Variants in CLSTN2 observed in about 807,000 individuals in gnomAD.
The protein encoded by CLSTN2 is calsyntenin 2.
In CLSTN2, 48 loss-of-function variants were observed where a neutral mutation model predicts 101.2. The ratio of observed to expected loss-of-function variants is 0.47; its 90% CI spans 0.38 to 0.60. The LOEUF (loss-of-function observed/expected upper bound fraction) is 0.60. Ranked by LOEUF, CLSTN2 falls within the 20% of genes least tolerant of loss-of-function variation. The pLI, the probability that CLSTN2 is intolerant of heterozygous loss-of-function variation, is 0.00. For synonymous variants in CLSTN2, 481 were observed against 463.6 expected, an observed-to-expected ratio of 1.04 and a Z score of -0.48; for missense variants, 1,160 against 1,238.2, an observed-to-expected ratio of 0.94 and a Z score of 0.95.
At chr3:140,274,146 C>T (rs892567059) in intron 2 of CLSTN2, among the ~76,000 whole-genome samples, 1 of 152,150 alleles carries the variant, frequency 6.6e-6, no homozygotes, top group African/African-American at 2.4e-5. Flanking sequence ...GGCTTGGTGC[C>T]TTTTGGCTCC....
intron 2 of CLSTN2, among the ~76,000 whole-genome samples, chr3:140,363,321 T>G (rs2087749164): frequency 6.6e-6 from 1 of 152,154 alleles, no homozygotes; most frequent in African/African-American, 2.4e-5. Flanking sequence ...GGTGGCTGCC[T>G]GGAACTAGGG....
In CLSTN2 at chr3:139,935,702, G is replaced by A. The variant is rs1935008505; in HGVS notation, c.109+219G>A. ...AACTCAACCCCTGGGCGGGGTCCGG[G>A]GGCTGAGCAGAAGGCGAGGTCTGGG... On this transcript the variant is annotated intron_variant, in intron 1 of 16. Transcript: ENST00000458420. This position sits in a 1 kb window ranked among gnomAD's most constrained non-coding sequence, Gnocchi z 5.5. Among the ~76,000 whole-genome samples, 1 of 151,780 alleles carries A rather than the reference G, an allele frequency of 6.6e-6. No individual in the cohort carries two copies. Among genetic ancestry groups the A allele is most frequent in the East Asian group, 2.0e-4 (1 of 5,090 alleles).
chr3:140,234,642 C>T (rs1354037465), intron 2 of CLSTN2, among the ~76,000 whole-genome samples: 1 of 152,132 alleles, frequency 6.6e-6, no homozygotes, highest in Admixed American at 6.5e-5. Context: ...CAGCCAGATT[C>T]CTAATGCTTG....
chr3:140,432,802 G>A (rs760712845), intron 5 of CLSTN2, among the ~76,000 whole-genome samples: 4 of 152,064 alleles, frequency 2.6e-5, no homozygotes, highest in African/African-American at 4.8e-5. Flanking sequence ...AGGGGAAGAG[G>A]GTGTGGGCAG....
At chr3:140,470,862 G>A (rs1416945282) in intron 8 of CLSTN2, among the ~76,000 whole-genome samples, 4 of 152,218 alleles carry the variant, frequency 2.6e-5, no homozygotes. Context: ...TGTTTGAACA[G>A]TGGCTCTTCA....
Position 140,042,618 on chromosome 3 carries a change from C to T in CLSTN2, c.109+107135C>T, listed in dbSNP as rs57732985. ...GTACGTGCGCCATGTTGGTGTGCTG[C>T]ACCCATTAACTCATCATTTACATTA... On this transcript the variant is annotated intron_variant, in intron 1 of 16. Coordinates refer to ENST00000458420, the MANE Select transcript of CLSTN2 (RefSeq NM_022131.3). Among the ~76,000 whole-genome samples, 654 of 152,256 alleles carry T rather than the reference C, an allele frequency of 4.3e-3. 3 individuals are homozygous for T. The highest frequency in any genetic ancestry group is 0.015 in the African/African-American group (632 of 41,534).
intron 8 of CLSTN2, among the ~76,000 whole-genome samples, chr3:140,470,025 CTG>C (rs1412612351): frequency 6.6e-6 from 1 of 152,090 alleles, no homozygotes; most frequent in Non-Finnish European, 1.5e-5. Context: ...GGATTTGTAA[CTG>C]TTACAGAACT....
intron 8 of CLSTN2, among the ~76,000 whole-genome samples, chr3:140,509,510 C>T (rs1344195564): frequency 2.0e-5 from 3 of 152,206 alleles, no homozygotes; most frequent in Non-Finnish European, 4.4e-5. Context: ...GCCTGATGGA[C>T]TGTTAAATGA....
chr3:140,410,262 A>G (rs2088348321), intron 4 of CLSTN2, among the ~76,000 whole-genome samples: 3 of 152,092 alleles, frequency 2.0e-5, no homozygotes, highest in African/African-American at 7.2e-5. Flanking sequence ...AACTGTCAGT[A>G]AATCAAAGAC....
At chr3:140,422,177 TTC>T (rs1406650462) in intron 5 of CLSTN2, among the ~76,000 whole-genome samples, 2 of 107,856 alleles carry the variant, frequency 1.9e-5, no homozygotes, top group Non-Finnish European at 3.6e-5. Flanking sequence ...TTCTCATATT[TTC>T]TCTCTTTCTT....
chr3:140,149,160 G>A (rs561165036), intron 1 of CLSTN2, among the ~76,000 whole-genome samples: 1 of 152,048 alleles, frequency 6.6e-6, no homozygotes, highest in African/African-American at 2.4e-5. Flanking sequence ...CTCCCCATCC[G>A]TGCCCTCTTG....
chr3:140,404,112 C>G (rs983881722), intron 3 of CLSTN2, among the ~76,000 whole-genome samples: 1 of 152,258 alleles, frequency 6.6e-6, no homozygotes, highest in Non-Finnish European at 1.5e-5. Flanking sequence ...TGGCCCACCC[C>G]CGCAGACCTG....
chr3:139,993,468 A>G (rs1308220747), intron 1 of CLSTN2, among the ~76,000 whole-genome samples: 1 of 152,112 alleles, frequency 6.6e-6, no homozygotes, highest in Non-Finnish European at 1.5e-5. Context: ...GGGGTGAACA[A>G]TGGCTAGTGT....
At chr3:140,379,710 T>C (rs909786533) in intron 2 of CLSTN2, among the ~76,000 whole-genome samples, 2 of 152,184 alleles carry the variant, frequency 1.3e-5, no homozygotes, top group Non-Finnish European at 2.9e-5. Context: ...AGGTTAAATA[T>C]GTTTGCCATA....
chr3:140,457,276 C>CTT (rs1223994619), intron 6 of CLSTN2, among the ~76,000 whole-genome samples: 6 of 152,356 alleles, frequency 3.9e-5, no homozygotes, highest in Non-Finnish European at 8.8e-5. Context: ...CAGCCTGCAT[C>CTT]TCTCTGGCCG....
intron 4 of CLSTN2, among the ~76,000 whole-genome samples, chr3:140,415,495 A>AAC (rs2088420524): frequency 6.6e-6 from 1 of 150,874 alleles, no homozygotes; most frequent in African/African-American, 2.4e-5. Context: ...GCAAAAAAAA[A>AAC]AAAAAAAAAA....
At chr3:140,246,021 CTG>C (rs2086512586) in intron 2 of CLSTN2, among the ~76,000 whole-genome samples, 1 of 152,138 alleles carries the variant, frequency 6.6e-6, no homozygotes, top group South Asian at 2.1e-4. Context: ...ACTCAATAAA[CTG>C]TGAATCTGCG....
At position 139,936,804 on chromosome 3, in the gene CLSTN2, T is replaced by G. The variant is rs115181335; in HGVS notation, c.109+1321T>G. On this transcript the variant is annotated intron_variant, in intron 1 of 16. Coordinates refer to ENST00000458420, the MANE Select transcript of CLSTN2 (RefSeq NM_022131.3). ...TTATGTTTATCTGTAATTTTTAAAT[T>G]TTTTGGTGTCATCGTTTTGAAAATA... 5.8e-3 allele frequency among the ~76,000 whole-genome samples: 879 copies of G among 152,328 alleles called. 6 individuals carry two copies. Among genetic ancestry groups the G allele is most frequent in the African/African-American group, 0.019 (794 of 41,562 alleles).
intron 8 of CLSTN2, among the ~76,000 whole-genome samples, chr3:140,523,860 A>G (rs912554901): frequency 6.6e-6 from 1 of 152,114 alleles, no homozygotes; most frequent in African/African-American, 2.4e-5. Flanking sequence ...GTTCAACCAC[A>G]CTCACATCAA....
Sources: allele counts gnomAD v4.1 joint callset (sites outside exome capture counted in the v4.1 genomes callset), GRCh38; gene constraint gnomAD v4.1.1; non-coding constraint Gnocchi (gnomAD v3.1); transcripts MANE v1.5; gene names NCBI Gene and HGNC (gene_info 2026-07-23, HGNC 2026-07-21).